CNTLN: variants seen among roughly 807,000 people sequenced by gnomAD.
CNTLN encodes centlein, also known as centlein, centrosomal protein.
A neutral mutation model predicts 180.0 loss-of-function variants in CNTLN; 212 were observed. That is an observed-to-expected ratio of 1.18 (90% CI 1.05 to 1.32). The LOEUF is 1.32. Among genes scored for constraint, CNTLN ranks in the 40% most tolerant of loss-of-function variants. The pLI is 0.00. For missense variants in CNTLN, 2,095 were observed against 1,610.9 expected (o/e 1.30, Z -5.14); for synonymous variants, 722 against 563.1 (o/e 1.28, Z -3.99).
At chr9:17,174,698 G>GAAAAAAAAA (rs34784210) in intron 2 of CNTLN, among the ~76,000 whole-genome samples, 29 of 124,444 alleles carry the variant, frequency 2.3e-4, no homozygotes, top group African/African-American at 8.5e-4. Context: ...TCCGTCTCAG[G>GAAAAAAAAA]AAAAAAAAAA....
At chr9:17,278,748 G>A (rs764682463) in intron 6 of CNTLN, among the ~76,000 whole-genome samples, 1 of 151,970 alleles carries the variant, frequency 6.6e-6, no homozygotes, top group African/African-American at 2.4e-5. Context: ...GTACAGAAAA[G>A]TACAAAGAAG....
intron 2 of CNTLN, among the ~76,000 whole-genome samples, chr9:17,207,297 G>A (rs1822991715): frequency 6.6e-6 from 1 of 152,132 alleles, no homozygotes; most frequent in Non-Finnish European, 1.5e-5. Flanking sequence ...TAAAGGTATT[G>A]TGTGTGTGCC....
intron 4 of CNTLN, 31 bp from the exon 5 acceptor site, chr9:17,236,378 A>G (rs3814139): frequency 0.15 from 230,510 of 1,514,410 alleles, 20,578 homozygotes; most frequent in African/African-American, 0.35. Flanking sequence ...GTTTTGTTTT[A>G]TTTATTTGCC....
chr9:17,434,149 G>T (rs1829613948), intron 18 of CNTLN, among the ~76,000 whole-genome samples: 1 of 151,854 alleles, frequency 6.6e-6, no homozygotes, highest in African/African-American at 2.4e-5. Flanking sequence ...TATTTTTCTT[G>T]TTCTTGCTAG....
At chr9:17,235,004 G>A (rs1313506637) in intron 3 of CNTLN, among the ~76,000 whole-genome samples, 1 of 152,158 alleles carries the variant, frequency 6.6e-6, no homozygotes, top group African/African-American at 2.4e-5. Context: ...TCAGACAGAG[G>A]AAAGATCAGC....
At chr9:17,177,010 C>T (rs1374838221) in intron 2 of CNTLN, among the ~76,000 whole-genome samples, 1 of 152,092 alleles carries the variant, frequency 6.6e-6, no homozygotes, top group African/African-American at 2.4e-5. Context: ...ATTGCACTTC[C>T]AAAAAGTTCT....
At chr9:17,295,576 T>G (rs1817835031) in intron 6 of CNTLN, among the ~76,000 whole-genome samples, 1 of 152,110 alleles carries the variant, frequency 6.6e-6, no homozygotes, top group South Asian at 2.1e-4. Context: ...ATTCACTCAT[T>G]GTTTTTGTTC....
At chr9:17,177,675 C>T (rs902857550) in intron 2 of CNTLN, among the ~76,000 whole-genome samples, 7 of 151,754 alleles carry the variant, frequency 4.6e-5, no homozygotes, top group East Asian at 1.9e-4. Context: ...GCAGCACATC[C>T]GGAGTTGTTC....
rs990365734 is a variant in CNTLN at position 17,196,657 on chromosome 9, T to C, written c.450-29546T>C. The stretch of plus-strand genomic sequence containing the variant: ...TTTTTAAATTTAAATTAAATTAATA[T>C]TTTTAATGTTTATATATTTTATATG... On this transcript the variant is annotated intron_variant, in intron 2 of 25. Transcript: ENST00000380647. Among the ~76,000 whole-genome samples, 114 of 151,052 alleles carry C rather than the reference T, an allele frequency of 7.5e-4. 1 individual carries two copies. The highest frequency in any genetic ancestry group is 2.6e-3 in the African/African-American group (107 of 41,440).
chr9:17,273,017 G>A (rs1828057091), intron 5 of CNTLN, among the ~76,000 whole-genome samples: 1 of 151,678 alleles, frequency 6.6e-6, no homozygotes, highest in Non-Finnish European at 1.5e-5. Context: ...GGAATTTCTA[G>A]TGCTTTATCT....
chr9:17,203,669 G>T (rs1822709559), intron 2 of CNTLN, among the ~76,000 whole-genome samples: 1 of 152,110 alleles, frequency 6.6e-6, no homozygotes, highest in African/African-American at 2.4e-5. Context: ...CCATTCTCCT[G>T]CCTCAGCCTC....
At chr9:17,369,708 C>T (rs768549663) in intron 13 of CNTLN, among the ~76,000 whole-genome samples, 10 of 151,482 alleles carry the variant, frequency 6.6e-5, no homozygotes, top group South Asian at 2.1e-4. Context: ...ATAGTCAGGG[C>T]GGGTGTGGTG....
intron 2 of CNTLN, among the ~76,000 whole-genome samples, chr9:17,212,868 G>C (rs145356249): frequency 2.9e-3 from 440 of 152,272 alleles, no homozygotes; most frequent in Non-Finnish European, 5.4e-3. Flanking sequence ...TTCTCTGATG[G>C]TAATTTGTAT....
intron 23 of CNTLN, among the ~76,000 whole-genome samples, chr9:17,483,860 C>T (rs555469701): frequency 1.3e-5 from 2 of 152,322 alleles, no homozygotes; most frequent in Non-Finnish European, 2.9e-5. Flanking sequence ...ACAGTTCTTT[C>T]TGCAGTAATC....
chr9:17,387,950 A>G (rs1334590327), intron 13 of CNTLN, among the ~76,000 whole-genome samples: 1 of 50,018 alleles, frequency 2.0e-5, no homozygotes, highest in African/African-American at 3.6e-5. Flanking sequence ...TTATACTGAA[A>G]AAAAAAAAAA....
At chr9:17,251,771 A>T (rs774749097) in intron 5 of CNTLN, among the ~76,000 whole-genome samples, 2 of 151,884 alleles carry the variant, frequency 1.3e-5, no homozygotes, top group Non-Finnish European at 2.9e-5. Context: ...AGTTGCTTCG[A>T]AATACATGTG....
At chr9:17,153,729 G>A (rs2131533039) in intron 2 of CNTLN, among the ~76,000 whole-genome samples, 1 of 152,248 alleles carries the variant, frequency 6.6e-6, no homozygotes, top group Middle Eastern at 3.4e-3. Context: ...AGTTCTCCTG[G>A]ATAATATCCT....
chr9:17,342,346 G>C lies in CNTLN; in HGVS notation c.1788G>C (p.Lys596Asn), dbSNP rs773147634. 1 of 1,612,298 alleles carries C rather than the reference G, an allele frequency of 6.2e-7. No individual in the cohort carries two copies. The highest frequency in any genetic ancestry group is 8.5e-7 in the Non-Finnish European group (1 of 1,179,246). ...GSGMTEIRKI[K>N]RADPQQLRQE... ...ATAGGACTGAAATCAGGAAAATAAA[G>C]AGAGCAGATCCCCAACAACTTCGAC... The change falls in exon 12 of 26, where the codon AAG (lysine) becomes AAC (asparagine). Residue 596 changes from lysine (K) to asparagine (N), a missense_variant. Physicochemically the swap from Lys to Asn is moderately conservative, Grantham distance 94 (BLOSUM62 0). Transcript: ENST00000380647.
At chr9:17,352,488 T>C (rs1822464823) in intron 12 of CNTLN, among the ~76,000 whole-genome samples, 1 of 150,858 alleles carries the variant, frequency 6.6e-6, no homozygotes, top group Non-Finnish European at 1.5e-5. Context: ...AAGAAAATGC[T>C]TAGCAAAAAA....
Sources: gnomAD v4.1 joint callset for allele counts (sites outside exome capture counted in the v4.1 genomes callset) on GRCh38, gnomAD v4.1.1 for gene constraint, MANE v1.5 for transcripts, NCBI Gene and HGNC (gene_info 2026-07-23, HGNC 2026-07-21) for gene names.